Variants in MAP4 observed in about 807,000 individuals in gnomAD.
MAP4 encodes the protein microtubule associated protein 4.
Under a neutral mutation model 170.2 loss-of-function variants are expected in MAP4, and 76 were observed. That is an observed-to-expected ratio of 0.45 (90% CI 0.37 to 0.54). The LOEUF (loss-of-function observed/expected upper bound fraction) is 0.54, where lower values mean the gene tolerates loss of function less well. MAP4 is among the 20% of genes least tolerant of loss of function. The pLI is 0.00. For synonymous variants in MAP4, 909 were observed against 994.5 expected, an observed-to-expected ratio of 0.91 and a Z score of 1.62; for missense variants, 2,506 against 2,748.0, an observed-to-expected ratio of 0.91 and a Z score of 1.97.
At chr3:47,994,554 T>C (rs1488297081) in intron 2 of MAP4, among the ~76,000 whole-genome samples, 1 of 152,238 alleles carries the variant, frequency 6.6e-6, no homozygotes, top group Non-Finnish European at 1.5e-5. Context: ...GTAGATTTTC[T>C]TGTGCTTCAT....
In MAP4 at chr3:47,977,895, C is replaced by A. The variant is rs768511663; in HGVS notation, c.262G>T (p.Gly88Cys). 6.8e-6 allele frequency: 11 copies of A among 1,612,920 alleles called. No individual in the cohort carries two copies. The highest frequency in any genetic ancestry group is 8.5e-6 in the Non-Finnish European group (10 of 1,179,048). ...GTATCGCTCCCTTCTACTCCATGAC[C>A]ACCATTGGCTAGGAGTGTTGGTTTA... Reference protein sequence around the residue: ...SSKPTLLANGGHGVEGSDTTG... With the variant: ...SSKPTLLANGCHGVEGSDTTG... The change falls in exon 3 of 21, where the codon GGT (glycine) becomes TGT (cysteine). Residue 88 changes from glycine to cysteine, a missense_variant. Physicochemically the swap from Gly to Cys is radical, Grantham distance 159. Around this residue, in one of 3 missense-constraint regions of MAP4, gnomAD observed 2,008 missense variants for 2,206.0 expected, o/e 0.91. Coordinates refer to ENST00000683076, the MANE Select transcript of MAP4 (RefSeq NM_001385682.1).
chr3:47,870,934 G>C lies in MAP4; in HGVS notation c.6173C>G (p.Pro2058Arg). Residue 2058 changes from proline to arginine, a missense_variant, in exon 15 of 21, where the codon CCC (proline) becomes CGC (arginine). Coordinates refer to ENST00000683076, the MANE Select transcript of MAP4 (RefSeq NM_001385682.1). ...FIDKKPTSAKPSSTTPRLSRL... is the reference protein window; with the variant it reads ...FIDKKPTSAKRSSTTPRLSRL... ...GCTGAGCCGGGGGGTGGTGGAGCTG[G>C]GTTTGGCCGAGGTGGGCTTCTTGTC... 1.9e-6 allele frequency: 3 copies of C among 1,614,136 alleles called. No homozygotes were observed. Among genetic ancestry groups the C allele is most frequent in the Non-Finnish European group, 2.5e-6 (3 of 1,179,988 alleles).
chr3:47,899,341 T>C (rs573000264), intron 10 of MAP4, among the ~76,000 whole-genome samples: 2 of 152,182 alleles, frequency 1.3e-5, no homozygotes, highest in Admixed American at 6.5e-5. Context: ...GGTTTCACTA[T>C]GTTGGCCAGG....
chr3:47,975,792 C>CT (rs146740524), intron 3 of MAP4, among the ~76,000 whole-genome samples: 2,884 of 142,978 alleles, frequency 0.02, 38 homozygotes, highest in Non-Finnish European at 0.03. Context: ...AGTAAAGTAT[C>CT]TTTTTTTTTT....
intron 10 of MAP4, among the ~76,000 whole-genome samples, chr3:47,880,124 T>TG (rs1236212969): frequency 6.6e-6 from 1 of 152,010 alleles, no homozygotes; most frequent in Non-Finnish European, 1.5e-5. Flanking sequence ...TTTTTTGAGA[T>TG]GGAGTCTCAC....
At chr3:48,087,745 G>GCACGCACACA (rs1553761044) in intron 1 of MAP4, among the ~76,000 whole-genome samples, 7 of 105,614 alleles carry the variant, frequency 6.6e-5, no homozygotes, top group Non-Finnish European at 1.5e-4. Context: ...ACACGCACGC[G>GCACGCACACA]CACACACACA....
At chr3:47,959,107 TA>T (rs1009121637) in intron 3 of MAP4, among the ~76,000 whole-genome samples, 2,818 of 141,086 alleles carry the variant, frequency 0.02, 69 homozygotes, top group African/African-American at 0.057. Context: ...AAGTGTGCAG[TA>T]AAAAAAAAAA....
rs1447758858 is a variant in MAP4, at chr3:47,952,232, G to A, written c.293-23882C>T. Among the ~76,000 whole-genome samples, 7 of 151,314 alleles carry A rather than the reference G, an allele frequency of 4.6e-5. No individual in the cohort carries two copies. In the East Asian group the frequency reaches 5.9e-4, roughly 13 times the overall value. ...TGGGAAGTGAGGAGCATCTCCACCC[G>A]GCAGCCGCCCCGTCCGGGAGGGAGG... On this transcript the variant is annotated intron_variant, in intron 3 of 20. Transcript: ENST00000683076.
At chr3:48,086,068 A>ATG (rs1163222492) in intron 1 of MAP4, among the ~76,000 whole-genome samples, 3 of 150,616 alleles carry the variant, frequency 2.0e-5, no homozygotes, top group African/African-American at 7.4e-5. Context: ...ATATATATAT[A>ATG]TGTGTGTGTA....
Position 47,913,869 on chromosome 3 carries a change from T to C in MAP4, c.1999+948A>G, listed in dbSNP as rs530303912. Among the ~76,000 whole-genome samples the C allele has an allele frequency of 5.9e-5, 9 of 152,312 alleles. No individual in the cohort carries two copies. The South Asian group carries it at 1.7e-3, about 28-fold the overall frequency. ...ACAGAAAATCAAGTTGATAATCATA[T>C]ACATATGCTTCTGGGTTATTAAAAA... On this transcript the variant is annotated intron_variant, in intron 8 of 20. Transcript: ENST00000683076.
At chr3:47,981,860 C>T (rs2100085617) in intron 2 of MAP4, among the ~76,000 whole-genome samples, 1 of 152,098 alleles carries the variant, frequency 6.6e-6, no homozygotes, top group African/African-American at 2.4e-5. Flanking sequence ...ATTGCCAATC[C>T]TATTTCATCA....
chr3:48,062,589 A>T (rs2100136362), intron 1 of MAP4, among the ~76,000 whole-genome samples: 2 of 150,600 alleles, frequency 1.3e-5, no homozygotes, highest in African/African-American at 2.4e-5. Flanking sequence ...TTTAAAAAAT[A>T]AAAAAATTTA....
chr3:47,890,828 G>C (rs1333776187), intron 10 of MAP4, among the ~76,000 whole-genome samples: 1 of 152,146 alleles, frequency 6.6e-6, no homozygotes, highest in Non-Finnish European at 1.5e-5. Context: ...CATTCAGCTT[G>C]ACCCTGCAAG....
At chr3:47,967,383 T>C (rs375733682) in intron 3 of MAP4, among the ~76,000 whole-genome samples, 12 of 152,070 alleles carry the variant, frequency 7.9e-5, no homozygotes, top group African/African-American at 2.9e-4. Flanking sequence ...CTGGGTGCAG[T>C]GGCTTACGCC....
intron 10 of MAP4, among the ~76,000 whole-genome samples, chr3:47,889,875 C>CCTCCATAAAAAAACGTGTTTTTTAT (rs549284572): frequency 2.0e-5 from 3 of 151,514 alleles, no homozygotes; most frequent in Admixed American, 6.6e-5. Flanking sequence ...AGCTTCTTTG[C>CCTCCATAAAAAAACGTGTTTTTTAT]CTCCATAAAA....
intron 2 of MAP4, among the ~76,000 whole-genome samples, chr3:47,991,548 G>C (rs1022276190): frequency 6.6e-5 from 10 of 152,178 alleles, no homozygotes; most frequent in Non-Finnish European, 1.0e-4. Flanking sequence ...TGTAGTCCAA[G>C]CTATTCAGGA....
chr3:47,877,390 G>C (rs1269936984), intron 11 of MAP4, 27 bp downstream of exon 11: 5 of 1,531,002 alleles, frequency 3.3e-6, no homozygotes, highest in Non-Finnish European at 4.5e-6. Flanking sequence ...TATGGCAGTA[G>C]AAGATAACCA....
At chr3:48,052,101 C>CA (rs1401594673) in intron 1 of MAP4, among the ~76,000 whole-genome samples, 1 of 152,170 alleles carries the variant, frequency 6.6e-6, no homozygotes, top group East Asian at 1.9e-4. Context: ...CCCTAAAGGG[C>CA]AAAATCACAA....
intron 17 of MAP4, among the ~76,000 whole-genome samples, chr3:47,863,937 TGGGGA>T (rs2074385939): frequency 1.4e-4 from 20 of 138,432 alleles, no homozygotes; most frequent in East Asian, 4.2e-4. Flanking sequence ...TGTGTGTGTG[TGGGGA>T]GTGGTGGGGG....
Sources: allele counts gnomAD v4.1 joint callset (sites outside exome capture counted in the v4.1 genomes callset), GRCh38; gene constraint gnomAD v4.1.1; regional missense constraint gnomAD v4.1.1; transcripts MANE v1.5; gene names NCBI Gene and HGNC (gene_info 2026-07-23, HGNC 2026-07-21).